MAN1C1: variants seen among roughly 807,000 people sequenced by gnomAD.
The protein encoded by MAN1C1 is mannosidase alpha class 1C member 1, also known as mannosyl-oligosaccharide 1,2-alpha-mannosidase IC.
Under a neutral mutation model 71.5 loss-of-function variants are expected in MAN1C1, and 49 were observed. The observed-to-expected ratio is 0.69, with a 90% CI of 0.54 to 0.87. MAN1C1 has a LOEUF of 0.87. MAN1C1 is among the 40% of genes least tolerant of loss of function. The pLI is 0.00. For synonymous variants in MAN1C1, 352 were observed against 343.7 expected (o/e 1.02, Z -0.27); for missense variants, 743 against 835.0 (o/e 0.89, Z 1.36).
At chr1:25,624,449 C>T (rs1219652239) in intron 1 of MAN1C1, among the ~76,000 whole-genome samples, 1 of 152,164 alleles carries the variant, frequency 6.6e-6, no homozygotes, top group African/African-American at 2.4e-5. Context: ...GAGCTCCCCA[C>T]ACTTGGCAGG....
intron 1 of MAN1C1, among the ~76,000 whole-genome samples, chr1:25,664,557 G>A (rs1246529711): frequency 2.6e-5 from 4 of 152,164 alleles, no homozygotes; most frequent in African/African-American, 7.2e-5. Flanking sequence ...GCCCTGGCTG[G>A]CACTTTTACA....
chr1:25,701,623 G>C (rs2046444797), intron 2 of MAN1C1, among the ~76,000 whole-genome samples: 1 of 152,076 alleles, frequency 6.6e-6, no homozygotes, highest in African/African-American at 2.4e-5. Context: ...ATTGGCCCAG[G>C]TGGCACTTTT....
intron 1 of MAN1C1, chr1:25,644,524 T>C (rs1279636083): frequency 6.5e-5 from 7 of 107,580 alleles, no homozygotes; most frequent in Non-Finnish European, 1.2e-4. Context: ...ATATATTTTT[T>C]TTTTTTTTTT....
intron 2 of MAN1C1, among the ~76,000 whole-genome samples, chr1:25,688,664 A>G (rs560245992): frequency 6.6e-6 from 1 of 152,356 alleles, no homozygotes; most frequent in Non-Finnish European, 1.5e-5. Context: ...AATTAGAATC[A>G]GATGACCTGG....
intron 2 of MAN1C1, among the ~76,000 whole-genome samples, chr1:25,724,178 G>A (rs1018300191): frequency 6.6e-6 from 1 of 152,136 alleles, no homozygotes; most frequent in African/African-American, 2.4e-5. Flanking sequence ...ACAGGTGCAC[G>A]CCACCACGCC....
intron 1 of MAN1C1, among the ~76,000 whole-genome samples, chr1:25,672,687 C>T (rs1055114215): frequency 3.9e-5 from 6 of 152,194 alleles, no homozygotes; most frequent in African/African-American, 1.4e-4. Flanking sequence ...ACTGTAATTC[C>T]ATCTGAAACC....
chr1:25,752,174 C>T (rs1196347621), intron 4 of MAN1C1, among the ~76,000 whole-genome samples: 1 of 152,078 alleles, frequency 6.6e-6, no homozygotes, highest in Non-Finnish European at 1.5e-5. Flanking sequence ...CACGGCACTT[C>T]ACAGTTTATA....
intron 2 of MAN1C1, among the ~76,000 whole-genome samples, chr1:25,720,356 A>G (rs2046746827): frequency 6.6e-6 from 1 of 151,970 alleles, no homozygotes; most frequent in Admixed American, 6.6e-5. Flanking sequence ...GATTACAGGC[A>G]CGCACCGCCA....
chr1:25,683,511 A>G (rs1243225177), intron 1 of MAN1C1, among the ~76,000 whole-genome samples: 2 of 152,156 alleles, frequency 1.3e-5, no homozygotes, highest in Non-Finnish European at 2.9e-5. Flanking sequence ...CTGACCAAAT[A>G]GTTGCAGATA....
chr1:25,771,130 G>A (rs532381965), intron 7 of MAN1C1, among the ~76,000 whole-genome samples: 3 of 152,240 alleles, frequency 2.0e-5, no homozygotes, highest in South Asian at 4.1e-4. Flanking sequence ...TCTCTTTCCC[G>A]CTCCTTTGAA....
intron 1 of MAN1C1, among the ~76,000 whole-genome samples, chr1:25,656,968 G>A (rs1371827452): frequency 6.6e-6 from 1 of 152,104 alleles, no homozygotes; most frequent in East Asian, 1.9e-4. Flanking sequence ...TGGGACTACA[G>A]GCACCCGCCA....
chr1:25,720,783 C>G (rs564175631), intron 2 of MAN1C1, among the ~76,000 whole-genome samples: 20 of 152,232 alleles, frequency 1.3e-4, no homozygotes, highest in African/African-American at 4.8e-4. Flanking sequence ...GTGTTTTCTT[C>G]TAGAAGTGTT....
In MAN1C1 at chr1:25,746,191, G is replaced by A. The variant is rs2047125647; in HGVS notation, c.638-477G>A. Among the ~76,000 whole-genome samples, 1 of 152,336 alleles carries A rather than the reference G, an allele frequency of 6.6e-6. No individual in the cohort carries two copies. The highest frequency in any genetic ancestry group is 2.1e-4 in the South Asian group (1 of 4,828). ...GTGGTGGTGGACACCTGTGGTCCCAGCTACTTGGGAGGCTGAGGTGGGAGA... is the reference window on the plus strand; with the variant it reads ...GTGGTGGTGGACACCTGTGGTCCCAACTACTTGGGAGGCTGAGGTGGGAGA... On this transcript the variant is annotated intron_variant, in intron 2 of 11. Transcript: ENST00000374332. The surrounding 1 kb of genome is among the most constrained non-coding windows in gnomAD (Gnocchi z 4.0).
chr1:25,618,110 A>G lies in MAN1C1; in HGVS notation c.313A>G (p.Arg105Gly). ...CAGCAGCTGGGCCAGTCCCCGCCGC[A>G]GGAAAGGGGGGCTGCGGCGCACCCG... ...DPSSWASPRR[R>G]KGGLRRTRPT... The change falls in exon 1 of 12, where the codon AGG becomes GGG. Residue 105 changes from arginine to glycine, a missense_variant. Transcript: ENST00000374332. 1 of 1,511,582 alleles carries G rather than the reference A, an allele frequency of 6.6e-7. No individual in the cohort carries two copies. The allele number at this position is 1,511,582 out of a possible 1,614,324, so 93.6% of individuals were successfully genotyped here.
At chr1:25,780,408 CCAAACTCTCG>C (rs1182598386) in intron 9 of MAN1C1, among the ~76,000 whole-genome samples, 1 of 152,138 alleles carries the variant, frequency 6.6e-6, no homozygotes, top group Non-Finnish European at 1.5e-5. Flanking sequence ...TCAGCTGTTC[CCAAACTCTCG>C]AAGTTTGTTC....
At chr1:25,635,962 G>C (rs2045453781) in intron 1 of MAN1C1, among the ~76,000 whole-genome samples, 2 of 152,118 alleles carry the variant, frequency 1.3e-5, no homozygotes, top group Non-Finnish European at 2.9e-5. Flanking sequence ...TTACAGCCGG[G>C]CCTCCGGGGT....
At chr1:25,670,849 A>G (rs2045984227) in intron 1 of MAN1C1, among the ~76,000 whole-genome samples, 1 of 152,130 alleles carries the variant, frequency 6.6e-6, no homozygotes, top group Non-Finnish European at 1.5e-5. Context: ...TGCAGCTCTG[A>G]TTTAGCCTCT....
chr1:25,743,952 C>T (rs1197952858), intron 2 of MAN1C1, among the ~76,000 whole-genome samples: 1 of 152,190 alleles, frequency 6.6e-6, no homozygotes, highest in East Asian at 1.9e-4. Flanking sequence ...ATGCCTGATG[C>T]GTGGAAAACA....
chr1:25,699,315 A>AG (rs1557770659), intron 2 of MAN1C1, among the ~76,000 whole-genome samples: 30 of 152,024 alleles, frequency 2.0e-4, no homozygotes, highest in African/African-American at 7.0e-4. Context: ...TAAAAAAAAA[A>AG]AAAAAAGAAG....
Sources: allele counts gnomAD v4.1 joint callset (sites outside exome capture counted in the v4.1 genomes callset), GRCh38; gene constraint gnomAD v4.1.1; non-coding constraint Gnocchi (gnomAD v3.1); transcripts MANE v1.5; gene names NCBI Gene and HGNC (gene_info 2026-07-23, HGNC 2026-07-21).